The following TTC12 variants were observed in gnomAD, a reference collection of about 807,000 sequenced individuals.
The protein encoded by TTC12 is tetratricopeptide repeat protein 12.
In TTC12, 70 loss-of-function variants were observed where a neutral mutation model predicts 90.1. That is an observed-to-expected ratio of 0.78 (90% CI 0.64 to 0.95). The LOEUF is 0.95. Among genes scored for constraint, TTC12 ranks in the 40% least tolerant of loss-of-function variants. The pLI, the probability that TTC12 is intolerant of heterozygous loss-of-function variation, is 0.00. For synonymous variants in TTC12, 296 were observed against 311.5 expected (o/e 0.95, Z 0.53); for missense variants, 819 against 846.1 (o/e 0.97, Z 0.40).
chr11:113,332,679 T>C (rs1555142908), intron 7 of TTC12, among the ~76,000 whole-genome samples: 2 of 152,194 alleles, frequency 1.3e-5, no homozygotes, highest in Non-Finnish European at 1.5e-5. Context: ...CTCTCAGACC[T>C]ACTTCCCCAG....
In TTC12 at chr11:113,352,152, C is replaced by T; in HGVS notation, c.1391C>T (p.Thr464Ile). 1 of 1,614,230 alleles carries T rather than the reference C, an allele frequency of 6.2e-7. No individual in the cohort carries two copies. Residue 464 changes from threonine to isoleucine, a missense_variant, in exon 16 of 22, where the codon ACC (threonine) becomes ATC (isoleucine). Physicochemically the swap from Thr to Ile is moderately conservative, Grantham distance 89 (BLOSUM62 -1). Coordinates refer to ENST00000529221, the MANE Select transcript of TTC12 (RefSeq NM_017868.4). ...IMGNLSAEPT[T>I]RRHMAACEEF... ...GGAAACCTCAGTGCTGAGCCCACTA[C>T]CCGAAGACACATGGCGGCCTGTGAG... is the stretch of plus-strand genomic sequence containing the variant.
chr11:113,339,675 A>T, intron 10 of TTC12: 1 of 510,730 alleles, frequency 2.0e-6, no homozygotes, highest in South Asian at 3.7e-5. Flanking sequence ...GCATGCGTAC[A>T]CTCAGCACAC....
intron 18 of TTC12, among the ~76,000 whole-genome samples, chr11:113,361,292 G>C (rs782247241): frequency 5.9e-5 from 9 of 152,146 alleles, no homozygotes; most frequent in Admixed American, 5.9e-4. Context: ...AAAGCCATTG[G>C]GGGGGAACAA....
intron 15 of TTC12, 91 bp from the exon 16 acceptor site, chr11:113,351,979 G>A (rs1949321869): frequency 4.1e-6 from 6 of 1,464,802 alleles, no homozygotes; most frequent in Non-Finnish European, 5.5e-6. Context: ...TTGGTTCGTG[G>A]GCCTTTTGGT....
intron 2 of TTC12, among the ~76,000 whole-genome samples, chr11:113,322,389 G>A (rs781940571): frequency 2.0e-5 from 3 of 152,190 alleles, no homozygotes; most frequent in Non-Finnish European, 4.4e-5. Context: ...CCCAGGATGA[G>A]GGACTAACCT....
chr11:113,364,466 G>C, intron 20 of TTC12: 1 of 307,630 alleles, frequency 3.3e-6, no homozygotes, highest in Non-Finnish European at 6.3e-6. Flanking sequence ...TGCAGGTGTA[G>C]GTTGCTGGCA....
chr11:113,342,455 T>G (rs17115377), intron 12 of TTC12, among the ~76,000 whole-genome samples: 1,859 of 152,322 alleles, frequency 0.012, 42 homozygotes, highest in African/African-American at 0.039. Flanking sequence ...TTAATCACTT[T>G]TGTAACTTCA....
At chr11:113,352,311 G>A in intron 16 of TTC12, 104 bp downstream of exon 16, 2 of 1,475,648 alleles carry the variant, frequency 1.4e-6, no homozygotes, top group Admixed American at 3.9e-5. Context: ...TGTGGGTGTT[G>A]GATGGCGCCA....
chr11:113,336,671 TG>T (rs1948386846), intron 8 of TTC12, among the ~76,000 whole-genome samples: 1 of 152,160 alleles, frequency 6.6e-6, no homozygotes, highest in Non-Finnish European at 1.5e-5. Context: ...CATAAATATA[TG>T]GGTTTATTTT....
At chr11:113,370,425 ACCT>A (rs1950350860), downstream of TTC12, among the ~76,000 whole-genome samples, 1 of 151,946 alleles carries the variant, frequency 6.6e-6, no homozygotes, top group Non-Finnish European at 1.5e-5. Flanking sequence ...GTTGCCCACC[ACCT>A]CCTCCAGCAG....
chr11:113,371,719 C>A (rs1270746381), intron 21 of TTC12, among the ~76,000 whole-genome samples: 1 of 152,188 alleles, frequency 6.6e-6, no homozygotes, highest in Non-Finnish European at 1.5e-5. Context: ...GGAGTGCAGG[C>A]TCAAAGTCCT....
chr11:113,327,750 G>C (rs1555141459), intron 6 of TTC12, among the ~76,000 whole-genome samples: 6 of 152,120 alleles, frequency 3.9e-5, no homozygotes. Context: ...GGCCACAGCT[G>C]TCTAGAATGA....
intron 18 of TTC12, among the ~76,000 whole-genome samples, chr11:113,360,930 A>G (rs1949892412): frequency 6.6e-6 from 1 of 152,218 alleles, no homozygotes; most frequent in African/African-American, 2.4e-5. Context: ...TCCTCAAAAG[A>G]GGTCTATGAC....
Position 113,323,419 on chromosome 11 carries a change from A to G in TTC12, c.190A>G (p.Thr64Ala), listed in dbSNP as rs1202991484. ...TGAATGCAGGACCACCTTGAACAAGACTATGATCAGTCCTCCACAAACTGC... is the reference window on the plus strand; with the variant it reads ...TGAATGCAGGACCACCTTGAACAAGGCTATGATCAGTCCTCCACAAACTGC... ...EDECRTTLNK[T>A]MISPPQTAMK... Residue 64 changes from threonine (T) to alanine (A), a missense_variant, in exon 3 of 22, where the codon ACT becomes GCT. By Grantham distance (58) the Thr-to-Ala change is moderately conservative (BLOSUM62 0). Coordinates refer to ENST00000529221, the MANE Select transcript of TTC12 (RefSeq NM_017868.4). The G allele has an allele frequency of 6.2e-7, 1 of 1,608,718 alleles. No individual in the cohort carries two copies. The highest frequency in any genetic ancestry group is 8.5e-7 in the Non-Finnish European group (1 of 1,178,468).
intron 13 of TTC12, among the ~76,000 whole-genome samples, chr11:113,347,584 C>T (rs984418906): frequency 1.3e-5 from 2 of 152,172 alleles, no homozygotes; most frequent in African/African-American, 2.4e-5. Flanking sequence ...TTGCCTGCCC[C>T]GTACTATTCT....
chr11:113,343,519 T>C (rs1248542319), intron 12 of TTC12, among the ~76,000 whole-genome samples: 1 of 152,188 alleles, frequency 6.6e-6, no homozygotes, highest in African/African-American at 2.4e-5. Context: ...AGAAGAGACC[T>C]GGTGTGTGTC....
At chr11:113,316,861 G>T (rs1946973024) in intron 2 of TTC12, among the ~76,000 whole-genome samples, 1 of 152,224 alleles carries the variant, frequency 6.6e-6, no homozygotes, top group Non-Finnish European at 1.5e-5. Flanking sequence ...TGATCCCACA[G>T]ATCACATTCA....
At chr11:113,342,019 G>A in intron 12 of TTC12, 94 bp downstream of exon 12, 4 of 1,102,498 alleles carry the variant, frequency 3.6e-6, no homozygotes, top group Non-Finnish European at 5.6e-6. Flanking sequence ...GCCAGGCCCT[G>A]GAAAGCTGAT....
Position 113,349,333 on chromosome 11 carries a change from T to C in TTC12, c.1155-740T>C, listed in dbSNP as rs567618145. ...CTGTAGGAGACCAGGAGCTCAGTAC[T>C]GAGCACAGTATACTTAGCACCTTAT... On this transcript the variant is annotated intron_variant, in intron 13 of 21. Coordinates refer to ENST00000529221, the MANE Select transcript of TTC12 (RefSeq NM_017868.4). Among the ~76,000 whole-genome samples the C allele has an allele frequency of 2.0e-5, 3 of 152,362 alleles. No homozygotes were observed. The East Asian group carries it at 5.8e-4, about 29-fold the overall frequency.
Sources: gnomAD v4.1 joint callset for allele counts (sites outside exome capture counted in the v4.1 genomes callset) on GRCh38, gnomAD v4.1.1 for gene constraint, MANE v1.5 for transcripts, NCBI Gene and HGNC (gene_info 2026-07-23, HGNC 2026-07-21) for gene names.